NARS1: variants seen among roughly 807,000 people sequenced by gnomAD.
The protein encoded by NARS1 is asparaginyl-tRNA synthetase 1.
A neutral mutation model predicts 79.2 loss-of-function variants in NARS1; 65 were observed. That is an observed-to-expected ratio of 0.82 (90% CI 0.67 to 1.01). The LOEUF (loss-of-function observed/expected upper bound fraction) is 1.01. Ranked by LOEUF, NARS1 falls within the 50% of genes least tolerant of loss-of-function variation. The pLI, the probability that NARS1 is intolerant of heterozygous loss-of-function variation, is 0.00. For missense variants in NARS1, 649 were observed against 673.8 expected, an observed-to-expected ratio of 0.96 and a Z score of 0.41; for synonymous variants, 229 against 238.8, an observed-to-expected ratio of 0.96 and a Z score of 0.38.
chr18:57,618,551 G>A (rs1000124297), intron 2 of NARS1, among the ~76,000 whole-genome samples: 6 of 152,136 alleles, frequency 3.9e-5, no homozygotes, highest in African/African-American at 9.7e-5. Flanking sequence ...TTCAGGAGCT[G>A]CAAAACGAGG....
chr18:57,608,670 T>C (rs1355347137), intron 7 of NARS1, among the ~76,000 whole-genome samples: 1 of 152,224 alleles, frequency 6.6e-6, no homozygotes, highest in African/African-American at 2.4e-5. Context: ...CATATTTCAC[T>C]GGAAAAGGCA....
At position 57,607,147 on chromosome 18, in the gene NARS1, T is replaced by G. The variant is rs747734186; in HGVS notation, c.988A>C (p.Arg330=). The G allele has an allele frequency of 9.9e-6, 16 of 1,613,162 alleles. No homozygotes were observed. The South Asian group carries it at 1.8e-4, about 18-fold the overall frequency. Residue 330 remains arginine, a synonymous_variant, in exon 9 of 14, where the codon AGG becomes CGG. Coordinates refer to ENST00000256854, the MANE Select transcript of NARS1 (RefSeq NM_004539.4). ...ACAACTTCATACTCAGCCAGGTGCC[T>G]TCGTGTTCTGGACTGCTCTGCCCGG... ...SYRAEQSRTR[R]HLAEYTHVEA...
At chr18:57,613,709 T>C (rs2051624870) in intron 4 of NARS1, 29 bp from the exon 5 acceptor site, 1 of 1,567,104 alleles carries the variant, frequency 6.4e-7, no homozygotes, top group Non-Finnish European at 8.8e-7. Context: ...CAACATTTGT[T>C]CAATAATGTC....
In NARS1 at chr18:57,610,522, T is replaced by C. The variant is rs140496190; in HGVS notation, c.493-1079A>G. 2.5e-3 allele frequency among the ~76,000 whole-genome samples: 387 copies of C among 152,292 alleles called. 3 individuals carry two copies. The highest frequency in any genetic ancestry group is 8.7e-3 in the African/African-American group (361 of 41,572). On this transcript the variant is annotated intron_variant, in intron 6 of 13. Coordinates refer to ENST00000256854, the MANE Select transcript of NARS1 (RefSeq NM_004539.4). ...ACACCTTACATGCCTCTTGACGTGA[T>C]GCAACTAAAAGAACACAGCTTTGCC... is the stretch of plus-strand genomic sequence containing the variant.
Position 57,607,231 on chromosome 18 carries a change from A to G in NARS1, c.904T>C (p.Leu302=), listed in dbSNP as rs750878740. ...EEAFLTQSSQ[L]YLETCLPALG... is the part of the protein sequence containing the mutation. ...GCTGGGAGGCAGGTCTCCAAGTACA[A>G]CTGAGAGGATTGAGTCAAAAATGCC... The change falls in exon 9 of 14, where the codon TTG becomes CTG. Residue 302 remains leucine (L), a synonymous_variant. Transcript: ENST00000256854. 2.8e-5 allele frequency: 46 copies of G among 1,614,046 alleles called. No individual in the cohort carries two copies. The Middle Eastern group carries it at 4.9e-4, about 17-fold the overall frequency.
At chr18:57,609,521 GT>G in intron 6 of NARS1, 78 bp from the exon 7 acceptor site, 1 of 1,163,856 alleles carries the variant, frequency 8.6e-7, no homozygotes. Context: ...TAAAGGGATT[GT>G]TTACAAACAA....
chr18:57,620,880 T>C (rs537133100), intron 1 of NARS1, among the ~76,000 whole-genome samples: 2 of 152,362 alleles, frequency 1.3e-5, no homozygotes, highest in East Asian at 3.9e-4. Context: ...ATCATTTTAA[T>C]TTGTGATATT....
chr18:57,602,583 G>A, intron 12 of NARS1, 97 bp from the exon 13 acceptor site: 1 of 1,398,388 alleles, frequency 7.2e-7, no homozygotes, highest in Non-Finnish European at 9.8e-7. Flanking sequence ...TAAGCTCCAA[G>A]GGCTAAAGGA....
In NARS1 at chr18:57,616,517, A is replaced by T. The variant is rs189721547; in HGVS notation, c.94-542T>A. Among the ~76,000 whole-genome samples, 235 of 152,286 alleles carry T rather than the reference A, an allele frequency of 1.5e-3. 1 individual carries two copies. The highest frequency in any genetic ancestry group is 3.7e-3 in the Admixed American group (56 of 15,278). ...CAGCAAGTTCGGGTATACACGATAC[A>T]GTTCCCCAGGAAAAGCAGACTATAA... On this transcript the variant is annotated intron_variant, in intron 2 of 13. Coordinates refer to ENST00000256854, the MANE Select transcript of NARS1 (RefSeq NM_004539.4).
At chr18:57,610,993 G>A (rs1031443006) in intron 6 of NARS1, among the ~76,000 whole-genome samples, 58 of 146,668 alleles carry the variant, frequency 4.0e-4, no homozygotes, top group Admixed American at 1.0e-3. Flanking sequence ...TTGAGACAAG[G>A]TTTCACTCTG....
chr18:57,605,116 C>T (rs2051541620), intron 11 of NARS1, among the ~76,000 whole-genome samples: 1 of 86,992 alleles, frequency 1.1e-5, no homozygotes, highest in Non-Finnish European at 2.0e-5. Context: ...AAGATACATT[C>T]TCCAGAAAAA....
At chr18:57,605,795 C>A in intron 11 of NARS1, 62 bp downstream of exon 11, 1 of 1,113,802 alleles carries the variant, frequency 9.0e-7, no homozygotes, top group Non-Finnish European at 1.3e-6. Context: ...AGTTCATTAA[C>A]CAGAAGAAGA....
In NARS1 at chr18:57,607,216, A is replaced by C; in HGVS notation, c.919T>G (p.Cys307Gly). Residue 307 changes from cysteine to glycine, a missense_variant, in exon 9 of 14, where the codon TGC becomes GGC. Physicochemically the swap from Cys to Gly is radical, Grantham distance 159. Coordinates refer to ENST00000256854, the MANE Select transcript of NARS1 (RefSeq NM_004539.4). ...TQSSQLYLET[C>G]LPALGDVFCI... ...AAAACATCTCCCAGGGCTGGGAGGC[A>C]GGTCTCCAAGTACAACTGAGAGGAT... 6.2e-7 allele frequency: 1 copy of C among 1,614,138 alleles called. No homozygotes were observed. The highest frequency in any genetic ancestry group is 8.5e-7 in the Non-Finnish European group (1 of 1,180,010).
intron 10 of NARS1, 43 bp downstream of exon 10, chr18:57,606,573 A>G (rs1379841780): frequency 2.5e-6 from 4 of 1,580,634 alleles, no homozygotes; most frequent in African/African-American, 2.7e-5. Context: ...TTGTCTTCCA[A>G]AAAAGGACTG....
At chr18:57,615,791 T>C in intron 3 of NARS1, 26 bp downstream of exon 3, 4 of 1,610,990 alleles carry the variant, frequency 2.5e-6, no homozygotes, top group Non-Finnish European at 2.5e-6. Context: ...TTTAACAACG[T>C]TCACGATGGC....
intron 2 of NARS1, among the ~76,000 whole-genome samples, chr18:57,618,420 T>C (rs546136840): frequency 3.3e-4 from 50 of 152,300 alleles, no homozygotes; most frequent in Non-Finnish European, 4.9e-4. Flanking sequence ...TTTTGTATCA[T>C]TGAAATTGAA....
chr18:57,611,579 A>C, intron 6 of NARS1, 58 bp downstream of exon 6: 1 of 1,157,952 alleles, frequency 8.6e-7, no homozygotes, highest in Non-Finnish European at 1.2e-6. Context: ...ATACAAAACA[A>C]TAAAGGAATC....
intron 1 of NARS1, 137 bp from the exon 2 acceptor site, chr18:57,620,788 T>G: frequency 2.0e-6 from 1 of 494,602 alleles, no homozygotes; most frequent in Non-Finnish European, 3.6e-6. Context: ...ATTAATATCC[T>G]AGTTATTTCC....
intron 1 of NARS1, among the ~76,000 whole-genome samples, chr18:57,621,386 A>AG (rs1325690350): frequency 2.0e-5 from 3 of 152,116 alleles, no homozygotes; most frequent in Admixed American, 2.0e-4. Context: ...CTGCAGGAGT[A>AG]GGGGCTACCC....
Sources: allele counts gnomAD v4.1 joint callset (sites outside exome capture counted in the v4.1 genomes callset), GRCh38; gene constraint gnomAD v4.1.1; transcripts MANE v1.5; gene names NCBI Gene and HGNC (gene_info 2026-07-23, HGNC 2026-07-21).